The following ATRX variants were observed in gnomAD, a reference collection of about 807,000 sequenced individuals.
The protein encoded by ATRX is chromatin remodeler ATRX.
ATRX carries 12 observed loss-of-function variants against 172.6 expected under a neutral mutation model. The ratio of observed to expected loss-of-function variants is 0.07; its 90% confidence interval spans 0.04 to 0.11. ATRX has a LOEUF of 0.11. ATRX is among the 10% of genes least tolerant of loss of function. The pLI, the probability that ATRX is intolerant of heterozygous loss-of-function variation, is 1.00. For missense variants in ATRX, 1,368 were observed against 1,767.4 expected, an observed-to-expected ratio of 0.77 and a Z score of 4.05; for synonymous variants, 674 against 594.7, an observed-to-expected ratio of 1.13 and a Z score of -1.94.
chrX:77,529,601 C>G lies in ATRX; in HGVS notation c.6700-6200G>C, dbSNP rs150701885. On this transcript the variant is annotated intron_variant, in intron 30 of 34. Coordinates refer to ENST00000373344, the MANE Select transcript of ATRX (RefSeq NM_000489.6). ...AGAAATAAGATCCCATTTAGACAAGCAAATGCTGAGGGCATTCATCACTAG... is the reference window on the plus strand; with the variant it reads ...AGAAATAAGATCCCATTTAGACAAGGAAATGCTGAGGGCATTCATCACTAG... Among the ~76,000 whole-genome samples the G allele has an allele frequency of 4.9e-3, 542 of 111,453 alleles. 2 individuals carry two copies. Among genetic ancestry groups the G allele is most frequent in the South Asian group, 0.013 (35 of 2,612 alleles).
intron 30 of ATRX, among the ~76,000 whole-genome samples, chrX:77,540,648 C>T (rs1268687766): frequency 1.8e-5 from 2 of 111,929 alleles, no homozygotes; most frequent in East Asian, 5.6e-4. Context: ...AATCAGAACT[C>T]GAGATTAAGA....
At chrX:77,703,537 G>C (rs1346761630) in intron 2 of ATRX, among the ~76,000 whole-genome samples, 1 of 112,461 alleles carries the variant, frequency 8.9e-6, no homozygotes. Context: ...ACCAGGAACC[G>C]CAGGCAGGGC....
At position 77,599,836 on chromosome X, in the gene ATRX, T is replaced by C. The variant is rs1557086224; in HGVS notation, c.5698-16A>G. 1 of 1,094,580 alleles carries C rather than the reference T, an allele frequency of 9.1e-7. No homozygotes were observed. Among genetic ancestry groups the C allele is most frequent in the East Asian group, 3.0e-5 (1 of 33,189 alleles). The allele number at this position is 1,094,580 out of a possible 1,213,427, so 90.2% of individuals were successfully genotyped here. ...CAAAATAACCCTAGAGAAAAAAAAA[T>C]GACCACTATTTTAATAGAATATCTC... is the stretch of plus-strand genomic sequence containing the variant. On this transcript the variant is annotated splice_polypyrimidine_tract_variant and intron_variant, in intron 23 of 34. Transcript: ENST00000373344.
At chrX:77,600,606 T>C in intron 22 of ATRX, 42 bp from the exon 23 acceptor site, 2 of 1,191,910 alleles carry the variant, frequency 1.7e-6, no homozygotes, top group Non-Finnish European at 2.3e-6. Context: ...AAATTGTCTA[T>C]ATCAACCAAG....
intron 12 of ATRX, among the ~76,000 whole-genome samples, chrX:77,658,581 T>C (rs1282091947): frequency 7.1e-5 from 8 of 112,585 alleles, no homozygotes; most frequent in Admixed American, 5.6e-4. Flanking sequence ...AAAAGTTTGA[T>C]AGTAAATATT....
Position 77,705,083 on chromosome X carries a change from C to G in ATRX, c.134-6454G>C, listed in dbSNP as rs1252269953. On this transcript the variant is annotated intron_variant, in intron 2 of 34. Coordinates refer to ENST00000373344, the MANE Select transcript of ATRX (RefSeq NM_000489.6). ...CATGGTTTGGGTGGCTGCGGCTGCA[C>G]CCGGGGCTCCTGCTGCACCCAGGGC... Among the ~76,000 whole-genome samples the G allele has an allele frequency of 4.5e-5, 5 of 111,151 alleles. No individual in the cohort carries two copies. The Admixed American group carries it at 4.7e-4, about 10-fold the overall frequency.
chrX:77,675,095 A>T (rs1376337505), intron 10 of ATRX: 1 of 112,019 alleles, frequency 8.9e-6, no homozygotes, highest in Non-Finnish European at 1.9e-5. Context: ...AAAGAGCGAA[A>T]CTAACAGCTG....
chrX:77,520,689 A>G (rs1557040965), intron 34 of ATRX, 99 bp downstream of exon 34: 1 of 896,545 alleles, frequency 1.1e-6, no homozygotes, highest in Non-Finnish European at 1.6e-6. Context: ...CCATCCCTCC[A>G]TAGTAGGAAT....
At chrX:77,744,879 C>G (rs782694525) in intron 1 of ATRX, among the ~76,000 whole-genome samples, 1 of 109,520 alleles carries the variant, frequency 9.1e-6, no homozygotes, top group South Asian at 4.0e-4. Flanking sequence ...GCCTGTAATC[C>G]CAGCTGCTTG....
intron 30 of ATRX, among the ~76,000 whole-genome samples, chrX:77,540,020 G>A (rs888158527): frequency 2.7e-5 from 3 of 111,493 alleles, no homozygotes; most frequent in East Asian, 5.6e-4. Flanking sequence ...GGCACAGACT[G>A]GCAAATTGGA....
intron 27 of ATRX, among the ~76,000 whole-genome samples, chrX:77,574,705 T>C (rs1187332548): frequency 1.8e-5 from 2 of 111,825 alleles, no homozygotes; most frequent in African/African-American, 3.2e-5. Context: ...GTTATATCTG[T>C]AAATGGCCAC....
intron 2 of ATRX, among the ~76,000 whole-genome samples, chrX:77,703,730 A>G (rs1390875370): frequency 8.9e-6 from 1 of 112,168 alleles, no homozygotes; most frequent in African/African-American, 3.2e-5. Context: ...TCCTGCACCC[A>G]AGAAGAATGA....
chrX:77,513,623 C>T (rs1454927313), intron 34 of ATRX, among the ~76,000 whole-genome samples: 8 of 110,912 alleles, frequency 7.2e-5, no homozygotes, highest in South Asian at 7.7e-4. Flanking sequence ...TCTGGAATTC[C>T]GCCAGGAGGA....
chrX:77,769,480 G>A (rs183293406), intron 1 of ATRX, among the ~76,000 whole-genome samples: 5 of 110,123 alleles, frequency 4.5e-5, no homozygotes, highest in African/African-American at 1.7e-4. Flanking sequence ...GTAGAGACAG[G>A]GTTTCACCAT....
At chrX:77,553,673 C>G (rs1557057437) in intron 30 of ATRX, among the ~76,000 whole-genome samples, 1 of 111,576 alleles carries the variant, frequency 9.0e-6, no homozygotes, top group Non-Finnish European at 1.9e-5. Context: ...TTTCTATTCC[C>G]CATCTTGAAA....
chrX:77,631,126 G>A (rs1193855036), intron 19 of ATRX, among the ~76,000 whole-genome samples: 1 of 107,054 alleles, frequency 9.3e-6, no homozygotes, highest in Non-Finnish European at 1.9e-5. Context: ...AAAGCCAAAA[G>A]GATAGGGACA....
chrX:77,524,605 C>G (rs1056013973), intron 30 of ATRX, among the ~76,000 whole-genome samples: 1 of 111,432 alleles, frequency 9.0e-6, no homozygotes, highest in Non-Finnish European at 1.9e-5. Context: ...AATACTGACA[C>G]TAATTCCAAA....
intron 15 of ATRX, 22 bp downstream of exon 15, chrX:77,652,092 G>T: frequency 8.3e-7 from 1 of 1,206,410 alleles, no homozygotes; most frequent in Non-Finnish European, 1.1e-6. Context: ...AAAAGAAAAA[G>T]AAGAAGAAAG....
chrX:77,755,986 T>C (rs1275900758), intron 1 of ATRX, among the ~76,000 whole-genome samples: 5 of 112,293 alleles, frequency 4.5e-5, no homozygotes, highest in African/African-American at 1.6e-4. Context: ...CCCAGGAAGA[T>C]GTGAGTTTTA....
Sources: gnomAD v4.1 joint callset for allele counts (sites outside exome capture counted in the v4.1 genomes callset) on GRCh38, gnomAD v4.1.1 for gene constraint, MANE v1.5 for transcripts, NCBI Gene and HGNC (gene_info 2026-07-23, HGNC 2026-07-21) for gene names.